UQCRHL: variants seen among roughly 807,000 people sequenced by gnomAD.
UQCRHL encodes cytochrome b-c1 complex subunit 6-like, mitochondrial.
Under a neutral mutation model 2.2 loss-of-function variants are expected in UQCRHL, and 1 was observed. The observed-to-expected ratio is 0.46, with a 90% CI of 0.16 to 2.18. The LOEUF is 2.18. UQCRHL is among the 30% of genes most tolerant of loss of function. The pLI, the probability that UQCRHL is intolerant of heterozygous loss-of-function variation, is 0.27. For missense variants in UQCRHL, 114 were observed against 108.6 expected, an observed-to-expected ratio of 1.05 and a Z score of -0.22; for synonymous variants, 46 against 44.6, an observed-to-expected ratio of 1.03 and a Z score of -0.13.
exon 1 of UQCRHL, chr1:15,807,491 A>G (rs2069938978): frequency 6.2e-7 from 1 of 1,614,042 alleles, no homozygotes; most frequent in African/African-American, 1.3e-5. Context: ...CATGCTCATC[A>G]TAGAGCTCTA....
At chr1:15,807,577 C>T (rs61744357) in exon 1 of UQCRHL, 200,392 of 1,614,012 alleles carry the variant, frequency 0.12, 15,100 homozygotes, top group African/African-American at 0.34. Context: ...TCCACTAATT[C>T]CTCCTCTTCC....
chr1:15,807,428 G>A lies in UQCRHL; in HGVS notation c.222C>T (p.Phe74=), dbSNP rs759001530. 3.1e-6 allele frequency: 5 copies of A among 1,614,082 alleles called. No individual in the cohort carries two copies. In the East Asian group the frequency reaches 1.1e-4, roughly 36 times the overall value. ...CCACGCAATGGTCCTTTGCATGCAA[G>A]AAGTCAAAGAGCTCCTCCGTGCAAT... Residue 74 remains phenylalanine (F), a synonymous_variant, in exon 1 of 1, where the codon TTC becomes TTT. Coordinates refer to ENST00000483273, the Ensembl canonical transcript of UQCRHL.
chr1:15,807,538 C>G (rs778877723), exon 1 of UQCRHL: 6 of 1,614,150 alleles, frequency 3.7e-6, no homozygotes, highest in South Asian at 1.1e-5. Context: ...TCCAACTGCT[C>G]GCATTGCTCT....
exon 1 of UQCRHL, chr1:15,807,580 C>T (rs2069940090): frequency 1.9e-6 from 3 of 1,614,090 alleles, no homozygotes; most frequent in African/African-American, 1.3e-5. Context: ...ACTAATTCCT[C>T]CTCTTCCTCT....
chr1:15,807,500 T>C (rs2069939153), exon 1 of UQCRHL: 2 of 1,614,182 alleles, frequency 1.2e-6, no homozygotes, highest in African/African-American at 2.7e-5. Flanking sequence ...CATAGAGCTC[T>C]AGCCGCTCCC....
chr1:15,807,518 T>C (rs756391727), exon 1 of UQCRHL: 2 of 1,614,176 alleles, frequency 1.2e-6, no homozygotes, highest in Non-Finnish European at 1.7e-6. Flanking sequence ...CCCGGGCCTT[T>C]ACACATTTCT....
Sources: allele counts gnomAD v4.1 joint callset, GRCh38; gene constraint gnomAD v4.1.1; transcripts MANE v1.5; gene names NCBI Gene and HGNC (gene_info 2026-07-23, HGNC 2026-07-21).